RANBP17: variants seen among roughly 807,000 people sequenced by gnomAD.
RANBP17 encodes RAN binding protein 17, also known as ran-binding protein 17.
Under a neutral mutation model 141.2 loss-of-function variants are expected in RANBP17, and 158 were observed. That is an observed-to-expected ratio of 1.12 (90% CI 0.98 to 1.28). RANBP17 has a LOEUF of 1.28. Ranked by LOEUF, RANBP17 falls within the 50% of genes most tolerant of loss-of-function variation. The pLI is 0.00. For synonymous variants in RANBP17, 430 were observed against 450.0 expected (o/e 0.96, Z 0.56); for missense variants, 1,438 against 1,290.7 (o/e 1.11, Z -1.75).
intron 14 of RANBP17, among the ~76,000 whole-genome samples, chr5:171,095,849 C>G (rs1054786831): frequency 1.3e-5 from 2 of 152,076 alleles, no homozygotes; most frequent in African/African-American, 4.8e-5. Flanking sequence ...TGACTGAAAG[C>G]CTTACCAGTA....
chr5:170,956,309 A>G (rs1375644925), intron 13 of RANBP17, among the ~76,000 whole-genome samples: 1 of 152,018 alleles, frequency 6.6e-6, no homozygotes, highest in Non-Finnish European at 1.5e-5. Flanking sequence ...CATTTTTATT[A>G]TTAAATATAT....
chr5:170,881,342 G>A (rs1221487457), intron 2 of RANBP17, among the ~76,000 whole-genome samples: 1 of 152,124 alleles, frequency 6.6e-6, no homozygotes, highest in Non-Finnish European at 1.5e-5. Flanking sequence ...AGATAATTGG[G>A]GGCCAGAGAG....
At chr5:171,233,594 GAT>G (rs1764342963) in intron 22 of RANBP17, among the ~76,000 whole-genome samples, 1 of 152,100 alleles carries the variant, frequency 6.6e-6, no homozygotes, top group Admixed American at 6.6e-5. Flanking sequence ...ACTACAAAAA[GAT>G]ATGTAGGAAC....
rs373974665 is a variant in RANBP17, at chr5:170,939,567, G to A, written c.1469-14030G>A. Among the ~76,000 whole-genome samples the A allele has an allele frequency of 4.3e-4, 65 of 152,016 alleles. 1 individual carries two copies. In the South Asian group the frequency reaches 0.013, roughly 30 times the overall value. ...GGGCTAAATTTTTTGTATTGTTTTAGTAGAGACGGAGTTTCGCCATGTTGT... is the reference window on the plus strand; with the variant it reads ...GGGCTAAATTTTTTGTATTGTTTTAATAGAGACGGAGTTTCGCCATGTTGT... On this transcript the variant is annotated intron_variant, in intron 12 of 27. Transcript: ENST00000523189.
intron 14 of RANBP17, among the ~76,000 whole-genome samples, chr5:171,097,652 T>TATAATA (rs1324484775): frequency 7.1e-6 from 1 of 140,972 alleles, no homozygotes; most frequent in Non-Finnish European, 1.5e-5. Flanking sequence ...TTATTATTAT[T>TATAATA]ATACTTTAAG....
chr5:170,886,905 C>T lies in RANBP17; in HGVS notation c.256+5009C>T, dbSNP rs546804763. 3.9e-3 allele frequency among the ~76,000 whole-genome samples: 600 copies of T among 152,042 alleles called. 7 individuals are homozygous for T. Among genetic ancestry groups the T allele is most frequent in the African/African-American group, 0.014 (573 of 41,462 alleles). ...CTTGAACTCCTGAGCTCAAGCGATC[C>T]GCCTGCCTCAGCCTCCCAAAGTGCT... On this transcript the variant is annotated intron_variant, in intron 3 of 27. Transcript: ENST00000523189.
intron 12 of RANBP17, among the ~76,000 whole-genome samples, chr5:170,939,452 T>C (rs1774153829): frequency 6.6e-6 from 1 of 152,030 alleles, no homozygotes; most frequent in African/African-American, 2.4e-5. Context: ...TGGCGTGATC[T>C]CAGTTCATTG....
intron 14 of RANBP17, among the ~76,000 whole-genome samples, chr5:171,022,681 G>A (rs1036642037): frequency 1.6e-4 from 25 of 152,204 alleles, no homozygotes; most frequent in African/African-American, 6.0e-4. Context: ...CTATACAGAG[G>A]GATGCTGCCT....
intron 14 of RANBP17, among the ~76,000 whole-genome samples, chr5:171,119,098 A>G (rs957091195): frequency 6.6e-6 from 1 of 152,176 alleles, no homozygotes; most frequent in African/African-American, 2.4e-5. Flanking sequence ...GTTTCCTTCT[A>G]TACCAGATTT....
intron 12 of RANBP17, among the ~76,000 whole-genome samples, chr5:170,951,638 A>G (rs1188061842): frequency 6.6e-6 from 1 of 152,102 alleles, no homozygotes; most frequent in Non-Finnish European, 1.5e-5. Context: ...ATGTTCTAAA[A>G]TTAGATTGTG....
At chr5:171,180,675 A>G (rs1056306783) in intron 16 of RANBP17, among the ~76,000 whole-genome samples, 2 of 152,350 alleles carry the variant, frequency 1.3e-5, no homozygotes, top group East Asian at 1.9e-4. Context: ...TTGGATTTCT[A>G]TAAGATAACA....
In RANBP17 at chr5:171,036,093, C is replaced by G. The variant is rs115595412; in HGVS notation, c.1710+67716C>G. 7.5e-3 allele frequency among the ~76,000 whole-genome samples: 1,146 copies of G among 152,146 alleles called. 13 individuals carry two copies. The highest frequency in any genetic ancestry group is 0.026 in the African/African-American group (1,085 of 41,516). ...TTTTTACAAAATACAACAAAATATT[C>G]AAGCTATTTTATTGGCCAAGCTGGT... On this transcript the variant is annotated intron_variant, in intron 14 of 27. Coordinates refer to ENST00000523189, the MANE Select transcript of RANBP17 (RefSeq NM_022897.5).
At chr5:171,272,461 A>G (rs1159935328) in intron 25 of RANBP17, among the ~76,000 whole-genome samples, 1 of 152,212 alleles carries the variant, frequency 6.6e-6, no homozygotes, top group Non-Finnish European at 1.5e-5. Flanking sequence ...TCATGACAGT[A>G]TCTTTGTGAA....
chr5:170,975,848 AAAC>A (rs545352126), intron 14 of RANBP17, among the ~76,000 whole-genome samples: 950 of 27,532 alleles, frequency 0.035, 11 homozygotes, highest in African/African-American at 0.055. Context: ...AAAAACAAAA[AAAC>A]AAACAAACAG....
At chr5:171,073,069 G>A (rs751829296) in intron 14 of RANBP17, among the ~76,000 whole-genome samples, 1 of 152,134 alleles carries the variant, frequency 6.6e-6, no homozygotes, top group Admixed American at 6.5e-5. Context: ...GGGGTCAGCT[G>A]CAAAAGGGGT....
chr5:170,878,177 A>G lies in RANBP17; in HGVS notation c.99A>G (p.Ala33=), dbSNP rs761021712. 1.9e-6 allele frequency: 3 copies of G among 1,613,006 alleles called. No homozygotes were observed. In the South Asian group the frequency reaches 3.3e-5, roughly 18 times the overall value. ...CACAAAGAATAGAGGCTGAGAAAGC[A>G]CTCTTGGAACTTATTGACAGTCCAG... ...DLTQRIEAEK[A]LLELIDSPEC... Residue 33 remains alanine, a synonymous_variant, in exon 2 of 28, where the codon GCA becomes GCG. Transcript: ENST00000523189.
chr5:171,299,278 T>C lies in RANBP17; in HGVS notation c.*420T>C, dbSNP rs1372153891. 8.3e-6 allele frequency: 2 copies of C among 239,946 alleles called. No homozygotes were observed. The highest frequency in any genetic ancestry group is 1.2e-4 in the East Asian group (2 of 16,598). The allele number at this position is 239,946 out of a possible 1,614,324, so 14.9% of individuals were successfully genotyped here. On this transcript the variant is annotated 3_prime_UTR_variant, in exon 28 of 28. Coordinates refer to ENST00000523189, the MANE Select transcript of RANBP17 (RefSeq NM_022897.5). ...GATTGAGACGAATGCCATTGGAACC[T>C]GTTAAATGAGTAGTTTGTTATGTGT...
At chr5:171,079,947 A>G (rs1030733118) in intron 14 of RANBP17, among the ~76,000 whole-genome samples, 4 of 152,152 alleles carry the variant, frequency 2.6e-5, no homozygotes, top group Admixed American at 6.5e-5. Context: ...CTTGACTGGT[A>G]TTTAGGGGCT....
intron 14 of RANBP17, among the ~76,000 whole-genome samples, chr5:171,022,624 GC>G (rs1399399601): frequency 6.6e-6 from 1 of 152,194 alleles, no homozygotes; most frequent in Non-Finnish European, 1.5e-5. Flanking sequence ...TTCGTACCAA[GC>G]CTTCCAGCCT....
Sources: gnomAD v4.1 joint callset for allele counts (sites outside exome capture counted in the v4.1 genomes callset) on GRCh38, gnomAD v4.1.1 for gene constraint, MANE v1.5 for transcripts, NCBI Gene and HGNC (gene_info 2026-07-23, HGNC 2026-07-21) for gene names.